The following BACH1 variants were observed in gnomAD, a reference collection of about 807,000 sequenced individuals.
BACH1 encodes the protein BTB domain and CNC homolog 1, also known as transcription regulator protein BACH1.
In BACH1, 35 loss-of-function variants were observed where a neutral mutation model predicts 52.9. The ratio of observed to expected loss-of-function variants is 0.66; its 90% confidence interval spans 0.51 to 0.88. The LOEUF (loss-of-function observed/expected upper bound fraction) is 0.88, where lower values mean the gene tolerates loss of function less well. Ranked by LOEUF, BACH1 falls within the 40% of genes least tolerant of loss-of-function variation. BACH1 has a pLI of 0.00. For synonymous variants in BACH1, 321 were observed against 319.6 expected, an observed-to-expected ratio of 1.00 and a Z score of -0.05; for missense variants, 808 against 872.6, an observed-to-expected ratio of 0.93 and a Z score of 0.93.
intron 1 of BACH1, among the ~76,000 whole-genome samples, chr21:29,317,163 T>C (rs568124952): frequency 3.6e-4 from 55 of 152,336 alleles, no homozygotes; most frequent in African/African-American, 1.3e-3. Context: ...CTCTAATGCC[T>C]GATGGTCTGA....
chr21:29,302,595 A>T (rs1159314170), intron 1 of BACH1, among the ~76,000 whole-genome samples: 1 of 152,202 alleles, frequency 6.6e-6, no homozygotes, highest in Non-Finnish European at 1.5e-5. Flanking sequence ...TGATAGTAGA[A>T]TCTGTATCAG....
At chr21:29,349,052 C>T (rs1371240171), downstream of BACH1, among the ~76,000 whole-genome samples, 1 of 151,698 alleles carries the variant, frequency 6.6e-6, no homozygotes, top group African/African-American at 2.4e-5. Flanking sequence ...CGAGATAGCG[C>T]CACTGCTATC....
At chr21:29,324,592 G>C (rs900245008) in intron 2 of BACH1, among the ~76,000 whole-genome samples, 4 of 106,498 alleles carry the variant, frequency 3.8e-5, no homozygotes, top group Non-Finnish European at 7.9e-5. Context: ...GTGTGTGTGT[G>C]TGTGTGTGTA....
intron 2 of BACH1, among the ~76,000 whole-genome samples, chr21:29,359,965 A>G (rs1271055729): frequency 6.6e-6 from 1 of 152,198 alleles, no homozygotes; most frequent in Non-Finnish European, 1.5e-5. Flanking sequence ...TCACTGAGTC[A>G]GACTAAGGCA....
chr21:29,342,809 T>A lies in BACH1; in HGVS notation c.2187T>A (p.Thr729=), dbSNP rs1174675511. Residue 729 remains threonine, a synonymous_variant, in exon 5 of 5, where the codon ACT becomes ACA. Transcript: ENST00000286800. ...GGISDFCQQM[T]DKCTTDE The stretch of plus-strand genomic sequence containing the variant: ...TCTCAGATTTCTGTCAGCAGATGAC[T>A]GATAAATGTACTACTGATGAGTAAA... 4 of 1,605,944 alleles carry A rather than the reference T, an allele frequency of 2.5e-6. No individual in the cohort carries two copies. In the African/African-American group the frequency reaches 5.4e-5, roughly 21 times the overall value.
rs1029959325 is a variant in BACH1, at chr21:29,344,771, T to A, written c.*1938T>A. 6.6e-6 allele frequency: 1 copy of A among 152,580 alleles called. No individual in the cohort carries two copies. The highest frequency in any genetic ancestry group is 2.4e-5 in the African/African-American group (1 of 41,418). 9.5% of individuals were successfully genotyped at this position (152,580 alleles called of 1,614,324 possible). On this transcript the variant is annotated 3_prime_UTR_variant, in exon 5 of 5. Transcript: ENST00000286800. ...TATAAAATAATATAAGAACTTCTGG[T>A]TTACAAAATGTAAAATCTTAAGCCA...
chr21:29,342,277 G>A (rs411697), intron 4 of BACH1, 122 bp from the exon 5 acceptor site: 340,274 of 993,708 alleles, frequency 0.34, 61,324 homozygotes, highest in African/African-American at 0.45. Context: ...GAATGGAATT[G>A]AAAGGATAAA....
At position 29,321,298 on chromosome 21, in the gene BACH1, C is replaced by A; in HGVS notation, c.18C>A (p.Asn6Lys). ...TATGCAGAATGTCTCTGAGTGAGAA[C>A]TCGGTTTTTGCCTATGAATCTTCTG... MSLSE[N>K]SVFAYESSVH... Residue 6 changes from asparagine (N) to lysine (K), a missense_variant, in exon 2 of 5, where the codon AAC (asparagine) becomes AAA (lysine). By Grantham distance (94) the Asn-to-Lys change is moderately conservative. Transcript: ENST00000286800. The A allele has an allele frequency of 6.2e-7, 1 of 1,613,828 alleles. No individual in the cohort carries two copies. The highest frequency in any genetic ancestry group is 8.5e-7 in the Non-Finnish European group (1 of 1,179,794).
chr21:29,316,641 A>C (rs898438095), intron 1 of BACH1, among the ~76,000 whole-genome samples: 3 of 152,218 alleles, frequency 2.0e-5, no homozygotes, highest in Admixed American at 1.3e-4. Flanking sequence ...TATTGGGTAA[A>C]AATGGATTGC....
intron 4 of BACH1, among the ~76,000 whole-genome samples, chr21:29,331,640 C>CA (rs2123457847): frequency 6.6e-6 from 1 of 152,168 alleles, no homozygotes; most frequent in Non-Finnish European, 1.5e-5. Flanking sequence ...GTGGCAGATA[C>CA]AGTGGTTAAA....
intron 4 of BACH1, among the ~76,000 whole-genome samples, chr21:29,333,372 A>T (rs1311304932): frequency 6.6e-6 from 1 of 152,212 alleles, no homozygotes; most frequent in East Asian, 1.9e-4. Context: ...ATATTTGTGT[A>T]TATTTTAATC....
chr21:29,355,925 A>T (rs2089231803), intron 2 of BACH1, among the ~76,000 whole-genome samples: 1 of 152,032 alleles, frequency 6.6e-6, no homozygotes. Context: ...TAAAAACAAC[A>T]CTCTTCCCCT....
At chr21:29,304,975 T>C (rs77588454) in intron 1 of BACH1, among the ~76,000 whole-genome samples, 1,724 of 152,300 alleles carry the variant, frequency 0.011, 61 homozygotes, top group African/African-American at 0.04. Flanking sequence ...GTGTATTTTA[T>C]ATTTAAATAT....
Position 29,324,258 on chromosome 21 carries a change from T to C in BACH1, c.235-1801T>C, listed in dbSNP as rs541204022. 1.5e-4 allele frequency among the ~76,000 whole-genome samples: 22 copies of C among 144,814 alleles called. No homozygotes were observed. The South Asian group carries it at 4.8e-3, about 32-fold the overall frequency. On this transcript the variant is annotated intron_variant, in intron 2 of 4. Coordinates refer to ENST00000286800, the MANE Select transcript of BACH1 (RefSeq NM_001186.4). ...AAAAAAAAAAAAAAAAAAAAGGAAC[T>C]GAACTTGCCAACACAAAGATCCCTT...
chr21:29,336,602 AT>A (rs2089047416), intron 4 of BACH1, among the ~76,000 whole-genome samples: 1 of 151,934 alleles, frequency 6.6e-6, no homozygotes, highest in Non-Finnish European at 1.5e-5. Context: ...CTTTCATTCT[AT>A]TTACATTATT....
chr21:29,349,110 T>C (rs1303488799), downstream of BACH1, among the ~76,000 whole-genome samples: 1 of 149,188 alleles, frequency 6.7e-6, no homozygotes, highest in Non-Finnish European at 1.5e-5. Context: ...AAAAAAAAAA[T>C]CTATCTTTAC....
chr21:29,302,976 C>T lies in BACH1; in HGVS notation c.-61+4023C>T, dbSNP rs143053592. Among the ~76,000 whole-genome samples, 5 of 152,358 alleles carry T rather than the reference C, an allele frequency of 3.3e-5. No individual in the cohort carries two copies. In the East Asian group the frequency reaches 9.6e-4, roughly 29 times the overall value. Reference sequence around the variant, plus strand: ...GAAACTGGCTTTTACGAAATAAAAACACTTGCCATTCTTTGGCTAGTCTTT... The same window carrying T: ...GAAACTGGCTTTTACGAAATAAAAATACTTGCCATTCTTTGGCTAGTCTTT... On this transcript the variant is annotated intron_variant, in intron 1 of 4. Coordinates refer to ENST00000286800, the MANE Select transcript of BACH1 (RefSeq NM_001186.4).
At chr21:29,351,869 G>A (rs1303395013) in intron 2 of BACH1, 1 of 423,224 alleles carries the variant, frequency 2.4e-6, no homozygotes, top group Admixed American at 2.7e-5. Flanking sequence ...GTTTACTAGG[G>A]CCTGGGAGAG....
At chr21:29,312,117 C>T (rs975048485) in intron 1 of BACH1, among the ~76,000 whole-genome samples, 3 of 152,194 alleles carry the variant, frequency 2.0e-5, no homozygotes, top group Non-Finnish European at 4.4e-5. Flanking sequence ...TCTTCAGCCC[C>T]TGATTGTGGG....
Sources: gnomAD v4.1 joint callset for allele counts (sites outside exome capture counted in the v4.1 genomes callset) on GRCh38, gnomAD v4.1.1 for gene constraint, MANE v1.5 for transcripts, NCBI Gene and HGNC (gene_info 2026-07-23, HGNC 2026-07-21) for gene names.